Variants in HHAT observed in about 807,000 individuals in gnomAD.
The protein encoded by HHAT is protein-cysteine N-palmitoyltransferase HHAT.
In HHAT, 47 loss-of-function variants were observed where a neutral mutation model predicts 70.8. The ratio of observed to expected loss-of-function variants is 0.66; its 90% CI spans 0.53 to 0.85. The LOEUF is 0.85. HHAT is among the 40% of genes least tolerant of loss of function. The probability of loss-of-function intolerance (pLI) is 0.00; values close to 1 mark genes in which losing one functional copy is unlikely to be tolerated. For synonymous variants in HHAT, 228 were observed against 247.6 expected, an observed-to-expected ratio of 0.92 and a Z score of 0.74; for missense variants, 609 against 604.8, an observed-to-expected ratio of 1.01 and a Z score of -0.07.
chr1:210,628,381 TG>T, intron 11 of HHAT, among the ~76,000 whole-genome samples: 1 of 152,254 alleles, frequency 6.6e-6, no homozygotes, highest in African/African-American at 2.4e-5. Flanking sequence ...CCTGGATCAC[TG>T]GGGTGATCCA....
intron 9 of HHAT, among the ~76,000 whole-genome samples, chr1:210,514,486 A>G (rs1299272322): frequency 6.6e-6 from 1 of 152,164 alleles, no homozygotes; most frequent in Non-Finnish European, 1.5e-5. Context: ...CGAGTTTTTT[A>G]TTTAATGTCT....
chr1:210,659,658 G>C (rs1677218646), intron 11 of HHAT, among the ~76,000 whole-genome samples: 1 of 152,078 alleles, frequency 6.6e-6, no homozygotes, highest in Non-Finnish European at 1.5e-5. Context: ...ACATTGATTT[G>C]AAAATCCCCA....
chr1:210,661,943 C>A (rs562773478), intron 11 of HHAT, among the ~76,000 whole-genome samples: 5 of 152,280 alleles, frequency 3.3e-5, no homozygotes, highest in East Asian at 3.9e-4. Flanking sequence ...TGTAACAAAC[C>A]TGCATGTTGT....
rs1244476994 is a variant in HHAT at position 210,386,383 on chromosome 1, C to G, written c.160-1085C>G. On this transcript the variant is annotated intron_variant, in intron 3 of 11. Transcript: ENST00000261458. Reference sequence around the variant, plus strand: ...CCTCCCAAGTAGCTGGGACTACAGGCGCCCGCCACTACGCCCGGCTAATTT... The same window carrying G: ...CCTCCCAAGTAGCTGGGACTACAGGGGCCCGCCACTACGCCCGGCTAATTT... 1.0e-4 allele frequency among the ~76,000 whole-genome samples: 15 copies of G among 148,702 alleles called. No individual in the cohort carries two copies. The South Asian group carries it at 3.2e-3, about 32-fold the overall frequency.
At chr1:210,552,280 G>A (rs2095533842) in intron 9 of HHAT, among the ~76,000 whole-genome samples, 1 of 152,162 alleles carries the variant, frequency 6.6e-6, no homozygotes, top group Admixed American at 6.5e-5. Flanking sequence ...GAGGGCTCTG[G>A]GAGAAAGCTT....
At chr1:210,631,981 T>A (rs1437863102) in intron 11 of HHAT, among the ~76,000 whole-genome samples, 1 of 152,326 alleles carries the variant, frequency 6.6e-6, no homozygotes, top group Admixed American at 6.5e-5. Flanking sequence ...TCATGTAAGA[T>A]TGTTGAAGGG....
rs550714487 is a variant in HHAT at position 210,661,456 on chromosome 1, G to C, written c.1391-12832G>C. Among the ~76,000 whole-genome samples the C allele has an allele frequency of 3.3e-4, 50 of 152,296 alleles. No homozygotes were observed. The East Asian group carries it at 6.8e-3, about 21-fold the overall frequency. Reference sequence around the variant, plus strand: ...GAACACTTTTACACTTTTGGTGGGAGTGTAAACTAGTTCAACCATTGTGGA... The same window carrying C: ...GAACACTTTTACACTTTTGGTGGGACTGTAAACTAGTTCAACCATTGTGGA... On this transcript the variant is annotated intron_variant, in intron 11 of 11. Coordinates refer to ENST00000261458, the MANE Select transcript of HHAT (RefSeq NM_018194.6).
Position 210,464,580 on chromosome 1 carries a change from T to G in HHAT, c.932T>G (p.Met311Arg). The G allele has an allele frequency of 6.2e-7, 1 of 1,614,202 alleles. No homozygotes were observed. Among genetic ancestry groups the G allele is most frequent in the Non-Finnish European group, 8.5e-7 (1 of 1,180,022 alleles). Residue 311 changes from methionine (M) to arginine (R), a missense_variant, in exon 8 of 12, where the codon ATG becomes AGG. Transcript: ENST00000261458. ...LVLFGVPALL[M>R]RLDGLTPPAL... is the part of the protein sequence containing the mutation. ...CTCTTTGGCGTGCCTGCTCTGCTCA[T>G]GCGCCTGGATGGACTCACTCCACCC...
Position 210,587,957 on chromosome 1 carries a change from C to A in HHAT, c.1103C>A (p.Thr368Lys). 6.2e-7 allele frequency: 1 copy of A among 1,614,110 alleles called. No individual in the cohort carries two copies. Among genetic ancestry groups the A allele is most frequent in the Non-Finnish European group, 8.5e-7 (1 of 1,180,002 alleles). ...GGCCTGCTGGGGACACTGTTTTCCA[C>A]GGCGATGACATTTGCATTTGTGAGC... ...QHGLLGTLFS[T>K]AMTFAFVSYW... Residue 368 changes from threonine (T) to lysine (K), a missense_variant, in exon 10 of 12, where the codon ACG (threonine) becomes AAG (lysine). Physicochemically the swap from Thr to Lys is moderately conservative, Grantham distance 78. Transcript: ENST00000261458.
At chr1:210,604,300 A>C (rs1472797343) in intron 10 of HHAT, among the ~76,000 whole-genome samples, 1 of 148,658 alleles carries the variant, frequency 6.7e-6, no homozygotes. Flanking sequence ...GTTAGCCAGG[A>C]TGGTCTCGAT....
chr1:210,404,168 A>G (rs6666446), intron 5 of HHAT, among the ~76,000 whole-genome samples: 29,350 of 152,158 alleles, frequency 0.19, 3,047 homozygotes, highest in African/African-American at 0.27. Flanking sequence ...ATACATGCCT[A>G]ACTGGGAAAA....
intron 7 of HHAT, among the ~76,000 whole-genome samples, chr1:210,419,222 G>T (rs1262240929): frequency 6.6e-6 from 1 of 152,132 alleles, no homozygotes; most frequent in Non-Finnish European, 1.5e-5. Flanking sequence ...GGTGTACCTT[G>T]TACACTGTCT....
At chr1:210,362,010 C>T (rs2088378134) in intron 2 of HHAT, among the ~76,000 whole-genome samples, 1 of 140,156 alleles carries the variant, frequency 7.1e-6, no homozygotes, top group South Asian at 2.3e-4. Flanking sequence ...AAAGCCACGC[C>T]AGTCTGGTTC....
chr1:210,623,875 C>G (rs1015543448), intron 11 of HHAT, among the ~76,000 whole-genome samples: 3 of 152,090 alleles, frequency 2.0e-5, no homozygotes, highest in Non-Finnish European at 4.4e-5. Flanking sequence ...CCCCATATCT[C>G]CTGTATGTGA....
intron 8 of HHAT, among the ~76,000 whole-genome samples, chr1:210,467,551 C>T (rs1413529519): frequency 6.6e-6 from 1 of 152,192 alleles, no homozygotes; most frequent in Admixed American, 6.5e-5. Flanking sequence ...GGGAATGGCT[C>T]TCTTCCTAGA....
At position 210,424,528 on chromosome 1, in the gene HHAT, T is replaced by A. The variant is rs573965962; in HGVS notation, c.856+6203T>A. Among the ~76,000 whole-genome samples, 3 of 150,602 alleles carry A rather than the reference T, an allele frequency of 2.0e-5. No individual in the cohort carries two copies. The East Asian group carries it at 5.9e-4, about 30-fold the overall frequency. ...TGGGTTTTTTTTTTTTTGTACAGAT[T>A]ATTTCATCACCCAGCTATTAAGCTG... On this transcript the variant is annotated intron_variant, in intron 7 of 11. Coordinates refer to ENST00000261458, the MANE Select transcript of HHAT (RefSeq NM_018194.6).
chr1:210,445,877 C>CTT (rs112654722), intron 7 of HHAT, among the ~76,000 whole-genome samples: 290 of 147,412 alleles, frequency 2.0e-3, no homozygotes, highest in Non-Finnish European at 3.6e-3. Context: ...GTTACAGGCT[C>CTT]TTTTTTTTTT....
At chr1:210,499,533 C>T (rs2094714089) in intron 8 of HHAT, among the ~76,000 whole-genome samples, 1 of 152,104 alleles carries the variant, frequency 6.6e-6, no homozygotes, top group African/African-American at 2.4e-5. Flanking sequence ...GTCCCAGCTA[C>T]TCGGGAGGCT....
At chr1:210,358,693 G>A (rs1158247813) in intron 2 of HHAT, among the ~76,000 whole-genome samples, 2 of 152,186 alleles carry the variant, frequency 1.3e-5, no homozygotes, top group African/African-American at 4.8e-5. Flanking sequence ...TTTTGCCAAT[G>A]TATAGAAACA....
Sources: allele counts gnomAD v4.1 joint callset (sites outside exome capture counted in the v4.1 genomes callset), GRCh38; gene constraint gnomAD v4.1.1; transcripts MANE v1.5; gene names NCBI Gene and HGNC (gene_info 2026-07-23, HGNC 2026-07-21).